Variants in RFX7 observed in about 807,000 individuals in gnomAD.
RFX7 encodes regulatory factor X7.
RFX7 carries 26 observed loss-of-function variants against 111.8 expected under a neutral mutation model. The ratio of observed to expected loss-of-function variants is 0.23; its 90% confidence interval spans 0.17 to 0.32. RFX7 has a LOEUF of 0.32. RFX7 is among the 10% of genes least tolerant of loss of function. The probability of loss-of-function intolerance (pLI) is 1.00; values close to 1 mark genes in which losing one functional copy is unlikely to be tolerated. For missense variants in RFX7, 1,573 were observed against 1,772.9 expected (o/e 0.89, Z 2.02); for synonymous variants, 624 against 624.4 (o/e 1.00, Z 0.01).
At chr15:56,155,203 C>T (rs771920947) in intron 3 of RFX7, among the ~76,000 whole-genome samples, 5 of 152,006 alleles carry the variant, frequency 3.3e-5, no homozygotes, top group African/African-American at 4.8e-5. Flanking sequence ...TCAACCATTG[C>T]GGAAGACAGT....
At chr15:56,196,441 ACT>A (rs2043146349) in intron 2 of RFX7, among the ~76,000 whole-genome samples, 1 of 151,356 alleles carries the variant, frequency 6.6e-6, no homozygotes, top group Non-Finnish European at 1.5e-5. Context: ...GGCATGTATC[ACT>A]CTTTTTTTTA....
At chr15:56,199,299 C>T (rs1174316447) in intron 2 of RFX7, among the ~76,000 whole-genome samples, 2 of 152,100 alleles carry the variant, frequency 1.3e-5, no homozygotes, top group Non-Finnish European at 2.9e-5. Context: ...TTTTTGCTTT[C>T]TAATGAGTTA....
At chr15:56,167,070 G>A (rs2042791545) in intron 3 of RFX7, among the ~76,000 whole-genome samples, 1 of 152,140 alleles carries the variant, frequency 6.6e-6, no homozygotes. Context: ...GGAGGCTGAG[G>A]CAGGAGGATC....
At chr15:56,154,976 A>G (rs1315368053) in intron 3 of RFX7, among the ~76,000 whole-genome samples, 4 of 152,254 alleles carry the variant, frequency 2.6e-5, no homozygotes, top group African/African-American at 9.6e-5. Context: ...GGGTATGAAC[A>G]GACACTTCTC....
chr15:56,213,302 T>C (rs1218220306), intron 2 of RFX7, among the ~76,000 whole-genome samples: 1 of 152,118 alleles, frequency 6.6e-6, no homozygotes, highest in African/African-American at 2.4e-5. Context: ...TATCCTACAA[T>C]GGGAGAATGG....
At chr15:56,140,718 A>C (rs1186042037) in intron 5 of RFX7, among the ~76,000 whole-genome samples, 2 of 152,116 alleles carry the variant, frequency 1.3e-5, no homozygotes, top group Non-Finnish European at 2.9e-5. Flanking sequence ...CTCCCAAACA[A>C]TGTGATGTTT....
chr15:56,206,659 T>G lies in RFX7; in HGVS notation c.162-27356A>C, dbSNP rs906360856. 7.2e-5 allele frequency among the ~76,000 whole-genome samples: 11 copies of G among 152,324 alleles called. No individual in the cohort carries two copies. In the East Asian group the frequency reaches 2.1e-3, roughly 29 times the overall value. The stretch of plus-strand genomic sequence containing the variant: ...GTACATATACACAATGGAGTATTAT[T>G]CAGCCATAAAAAAGAACAACATCCT... On this transcript the variant is annotated intron_variant, in intron 2 of 9. Coordinates refer to ENST00000559447, the MANE Select transcript of RFX7 (RefSeq NM_022841.7).
intron 5 of RFX7, among the ~76,000 whole-genome samples, chr15:56,112,954 A>G (rs1316424945): frequency 6.6e-6 from 1 of 152,262 alleles, no homozygotes; most frequent in Non-Finnish European, 1.5e-5. Flanking sequence ...ACAAAGAGAT[A>G]CCATCTCATG....
At chr15:56,178,700 A>C (rs1408528374) in intron 3 of RFX7, among the ~76,000 whole-genome samples, 2 of 152,294 alleles carry the variant, frequency 1.3e-5, no homozygotes, top group African/African-American at 4.8e-5. Context: ...TGAAACTACT[A>C]CTATACTAAC....
At chr15:56,216,584 T>C (rs1456400758) in intron 2 of RFX7, among the ~76,000 whole-genome samples, 2 of 152,174 alleles carry the variant, frequency 1.3e-5, no homozygotes, top group Non-Finnish European at 2.9e-5. Context: ...ACTGACCCTA[T>C]CATACTTTAA....
chr15:56,241,329 T>A (rs542154331), intron 2 of RFX7, among the ~76,000 whole-genome samples: 2 of 152,270 alleles, frequency 1.3e-5, no homozygotes, highest in South Asian at 2.1e-4. Flanking sequence ...CACTCGACTA[T>A]CATCATTATT....
At chr15:56,164,504 G>A (rs181697616) in intron 3 of RFX7, among the ~76,000 whole-genome samples, 1 of 152,326 alleles carries the variant, frequency 6.6e-6, no homozygotes, top group East Asian at 1.9e-4. Flanking sequence ...AGACTAGGAA[G>A]GTTATACCCA....
intron 2 of RFX7, among the ~76,000 whole-genome samples, chr15:56,201,099 C>CT (rs1471247861): frequency 6.6e-6 from 1 of 152,036 alleles, no homozygotes; most frequent in Non-Finnish European, 1.5e-5. Context: ...AGACTACGGA[C>CT]TATACCAGTG....
chr15:56,128,180 T>C (rs2042169433), intron 5 of RFX7, among the ~76,000 whole-genome samples: 1 of 152,204 alleles, frequency 6.6e-6, no homozygotes, highest in Admixed American at 6.5e-5. Flanking sequence ...TGGTGAATTC[T>C]AATCAGTCTT....
chr15:56,172,633 T>G (rs1295309512), intron 3 of RFX7, among the ~76,000 whole-genome samples: 1 of 152,052 alleles, frequency 6.6e-6, no homozygotes, highest in Non-Finnish European at 1.5e-5. Flanking sequence ...GGACAAGAAA[T>G]GTATTAATTT....
At chr15:56,127,293 A>T (rs183168141) in intron 5 of RFX7, among the ~76,000 whole-genome samples, 71 of 151,996 alleles carry the variant, frequency 4.7e-4, no homozygotes, top group African/African-American at 1.6e-3. Context: ...AAAGCATAAC[A>T]TATCAAAATA....
rs146627127 is a variant in RFX7, at chr15:56,154,744, C to T, written c.196-10261G>A. Among the ~76,000 whole-genome samples, 329 of 152,250 alleles carry T rather than the reference C, an allele frequency of 2.2e-3. 1 individual carries two copies. The highest frequency in any genetic ancestry group is 5.7e-3 in the African/African-American group (235 of 41,542). On this transcript the variant is annotated intron_variant, in intron 3 of 9. Coordinates refer to ENST00000559447, the MANE Select transcript of RFX7 (RefSeq NM_022841.7). Reference sequence around the variant, plus strand: ...GGGCAAAGACTTCATGTCTAAAACACCAAAAGCAATGGCAACAAAAGCCAG... The same window carrying T: ...GGGCAAAGACTTCATGTCTAAAACATCAAAAGCAATGGCAACAAAAGCCAG...
In RFX7 at chr15:56,233,914, C is replaced by T. The variant is rs140144211; in HGVS notation, c.161+9211G>A. On this transcript the variant is annotated intron_variant, in intron 2 of 9. Coordinates refer to ENST00000559447, the MANE Select transcript of RFX7 (RefSeq NM_022841.7). ...GTGATTAGTTAGTGGAAATCCTATT[C>T]CTTAGTCAAGCAAATTTTCTCCCAA... 3.3e-5 allele frequency among the ~76,000 whole-genome samples: 5 copies of T among 152,274 alleles called. No individual in the cohort carries two copies. The East Asian group carries it at 9.6e-4, about 29-fold the overall frequency.
chr15:56,243,994 C>A (rs2043771000), upstream of RFX7: 1 of 150,130 alleles, frequency 6.7e-6, no homozygotes, highest in Non-Finnish European at 1.5e-5. Context: ...GCGCGGAGGG[C>A]GGCGCGGGCC....
Sources: allele counts gnomAD v4.1 joint callset (sites outside exome capture counted in the v4.1 genomes callset), GRCh38; gene constraint gnomAD v4.1.1; transcripts MANE v1.5; gene names NCBI Gene and HGNC (gene_info 2026-07-23, HGNC 2026-07-21).